Variants in EFR3A observed in about 807,000 individuals in gnomAD.
EFR3A encodes EFR3 homolog A.
EFR3A carries 76 observed loss-of-function variants against 104.4 expected under a neutral mutation model. The ratio of observed to expected loss-of-function variants is 0.73; its 90% confidence interval spans 0.60 to 0.88. The LOEUF (loss-of-function observed/expected upper bound fraction) is 0.88, where lower values mean the gene tolerates loss of function less well. EFR3A is among the 40% of genes least tolerant of loss of function. The pLI, the probability that EFR3A is intolerant of heterozygous loss-of-function variation, is 0.00. For missense variants in EFR3A, 985 were observed against 1,012.5 expected (o/e 0.97, Z 0.37); for synonymous variants, 330 against 330.0 (o/e 1.00, Z 0.00).
intron 6 of EFR3A, among the ~76,000 whole-genome samples, chr8:131,954,362 A>G (rs934743217): frequency 6.6e-6 from 1 of 151,708 alleles, no homozygotes; most frequent in Non-Finnish European, 1.5e-5. Context: ...ACTAACCAAA[A>G]TAATAATGAT....
At chr8:131,984,894 C>T in intron 15 of EFR3A, 35 bp from the exon 16 acceptor site, 2 of 1,582,216 alleles carry the variant, frequency 1.3e-6, no homozygotes, top group Non-Finnish European at 8.6e-7. Flanking sequence ...AGTATAAGAA[C>T]TTGATCTCTC....
chr8:131,914,070 C>G (rs954652839), intron 1 of EFR3A, among the ~76,000 whole-genome samples: 1 of 152,162 alleles, frequency 6.6e-6, no homozygotes, highest in South Asian at 2.1e-4. Context: ...TTGTTAGAAT[C>G]AGCAGGTTAT....
At chr8:131,950,579 A>G (rs1374324719) in intron 5 of EFR3A, among the ~76,000 whole-genome samples, 2 of 151,752 alleles carry the variant, frequency 1.3e-5, no homozygotes, top group South Asian at 2.1e-4. Context: ...CTCTCATTCT[A>G]CCCCTAGCTA....
chr8:132,006,903 G>A (rs912825560), intron 22 of EFR3A, among the ~76,000 whole-genome samples: 1 of 151,840 alleles, frequency 6.6e-6, no homozygotes, highest in African/African-American at 2.4e-5. Context: ...TAGTAAGAAA[G>A]CAAAGTTGCA....
At chr8:131,975,022 A>G (rs1438218011) in intron 10 of EFR3A, among the ~76,000 whole-genome samples, 2 of 152,198 alleles carry the variant, frequency 1.3e-5, no homozygotes, top group Non-Finnish European at 2.9e-5. Context: ...GAAATAAGAA[A>G]CTTTTAAAGT....
intron 1 of EFR3A, among the ~76,000 whole-genome samples, chr8:131,929,278 A>G (rs559965870): frequency 2.6e-5 from 4 of 152,144 alleles, no homozygotes; most frequent in South Asian, 2.1e-4. Flanking sequence ...TTTACCTTCT[A>G]TACTCAGTTG....
rs903008999 is a variant in EFR3A at position 131,904,897 on chromosome 8, A to G, written c.10+575A>G. The stretch of plus-strand genomic sequence containing the variant: ...TTCGGATTCACCCGGGCAGATGATT[A>G]AAAATGCCGGTTTCGGGACCCGCCC... On this transcript the variant is annotated intron_variant, in intron 1 of 22. Transcript: ENST00000254624. Among the ~76,000 whole-genome samples the G allele has an allele frequency of 4.6e-5, 7 of 152,308 alleles. No homozygotes were observed. In the South Asian group the frequency reaches 1.4e-3, roughly 32 times the overall value.
At chr8:131,913,372 T>A (rs941988805) in intron 1 of EFR3A, among the ~76,000 whole-genome samples, 1 of 152,094 alleles carries the variant, frequency 6.6e-6, no homozygotes, top group African/African-American at 2.4e-5. Flanking sequence ...TATCATATTA[T>A]CCCTTTTGCA....
chr8:131,914,807 C>A (rs1816671154), intron 1 of EFR3A, among the ~76,000 whole-genome samples: 1 of 152,028 alleles, frequency 6.6e-6, no homozygotes, highest in African/African-American at 2.4e-5. Flanking sequence ...TCTCTCTTTT[C>A]CCACCCTCCA....
intron 1 of EFR3A, among the ~76,000 whole-genome samples, chr8:131,906,414 C>T (rs918438501): frequency 2.0e-5 from 3 of 152,130 alleles, no homozygotes; most frequent in African/African-American, 4.8e-5. Flanking sequence ...CCAGTTAATC[C>T]GTACGAGTTT....
chr8:131,922,466 A>T (rs1169846553), intron 1 of EFR3A, among the ~76,000 whole-genome samples: 1 of 151,358 alleles, frequency 6.6e-6, no homozygotes, highest in East Asian at 1.9e-4. Context: ...CCCTTAAATT[A>T]AAAAAAAATT....
At chr8:131,938,149 G>C in intron 1 of EFR3A, 1 of 395,372 alleles carries the variant, frequency 2.5e-6, no homozygotes, top group Admixed American at 4.4e-5. Context: ...GAAGTAAAGT[G>C]AACTAGGCAC....
chr8:131,908,671 T>C (rs574622081), intron 1 of EFR3A, among the ~76,000 whole-genome samples: 1 of 152,274 alleles, frequency 6.6e-6, no homozygotes, highest in South Asian at 2.1e-4. Flanking sequence ...TGCAACTAGA[T>C]GGGTCTGACC....
intron 9 of EFR3A, 99 bp from the exon 10 acceptor site, chr8:131,970,377 T>C: frequency 8.7e-7 from 1 of 1,147,424 alleles, no homozygotes; most frequent in Non-Finnish European, 1.2e-6. Context: ...TCTGACTATT[T>C]AGAAAATTAC....
At chr8:132,006,808 C>G (rs1822078032) in intron 22 of EFR3A, among the ~76,000 whole-genome samples, 1 of 151,726 alleles carries the variant, frequency 6.6e-6, no homozygotes, top group Non-Finnish European at 1.5e-5. Flanking sequence ...ATGATATGGC[C>G]TAAATAAATG....
chr8:131,957,650 A>G (rs1299174011), intron 7 of EFR3A, among the ~76,000 whole-genome samples: 1 of 152,160 alleles, frequency 6.6e-6, no homozygotes, highest in Non-Finnish European at 1.5e-5. Context: ...GCACCCTGCC[A>G]GGGCCAGTAT....
chr8:131,955,812 A>G lies in EFR3A; in HGVS notation c.683A>G (p.Glu228Gly). The G allele has an allele frequency of 6.2e-7, 1 of 1,613,502 alleles. No homozygotes were observed. The highest frequency in any genetic ancestry group is 8.5e-7 in the Non-Finnish European group (1 of 1,179,552). ...PSSPSATDKE[E>G]NPAVLAENCF... ...TCTCCTTCTGCAACTGACAAAGAAG[A>G]GAATCCTGCTGTGCTGGCTGAAAAC... The change falls in exon 7 of 23, where the codon GAG (glutamate) becomes GGG (glycine). Residue 228 changes from glutamate to glycine, a missense_variant. Physicochemically the swap from Glu to Gly is moderately conservative, Grantham distance 98. Transcript: ENST00000254624.
At chr8:131,919,359 C>T (rs1339841826) in intron 1 of EFR3A, among the ~76,000 whole-genome samples, 3 of 151,874 alleles carry the variant, frequency 2.0e-5, no homozygotes, top group South Asian at 2.1e-4. Context: ...GCACTTTGGG[C>T]GGTCGAGGCG....
At chr8:131,906,113 A>G (rs1816252384) in intron 1 of EFR3A, among the ~76,000 whole-genome samples, 2 of 152,158 alleles carry the variant, frequency 1.3e-5, no homozygotes, top group Non-Finnish European at 2.9e-5. Context: ...CTGTGGATTG[A>G]TTGGGGGTAC....
Sources: gnomAD v4.1 joint callset for allele counts (sites outside exome capture counted in the v4.1 genomes callset) on GRCh38, gnomAD v4.1.1 for gene constraint, MANE v1.5 for transcripts, NCBI Gene and HGNC (gene_info 2026-07-23, HGNC 2026-07-21) for gene names.